The following CTTNBP2 variants were observed in gnomAD, a reference collection of about 807,000 sequenced individuals.
The protein encoded by CTTNBP2 is cortactin binding protein 2, also known as cortactin-binding protein 2.
In CTTNBP2, 108 loss-of-function variants were observed where a neutral mutation model predicts 156.9. That is an observed-to-expected ratio of 0.69 (90% CI 0.59 to 0.81). The LOEUF (loss-of-function observed/expected upper bound fraction) is 0.81. Ranked by LOEUF, CTTNBP2 falls within the 30% of genes least tolerant of loss-of-function variation. CTTNBP2 has a pLI of 0.00. For synonymous variants in CTTNBP2, 767 were observed against 751.8 expected (o/e 1.02, Z -0.33); for missense variants, 1,924 against 2,035.4 (o/e 0.95, Z 1.05).
chr7:117,727,217 G>C (rs1410893038), intron 17 of CTTNBP2, among the ~76,000 whole-genome samples: 1 of 151,968 alleles, frequency 6.6e-6, no homozygotes. Context: ...TTAGAGACAG[G>C]GTCTTGCTCT....
intron 2 of CTTNBP2, among the ~76,000 whole-genome samples, chr7:117,823,440 T>G (rs1801088983): frequency 6.6e-6 from 1 of 152,230 alleles, no homozygotes; most frequent in African/African-American, 2.4e-5. Flanking sequence ...TAAATTTGCA[T>G]AAATTTGAAA....
At chr7:117,817,388 A>ATATATATATATATATATATATATATATAT (rs1554437687) in intron 2 of CTTNBP2, among the ~76,000 whole-genome samples, 1 of 124,778 alleles carries the variant, frequency 8.0e-6, no homozygotes. Flanking sequence ...ATATATATAT[A>ATATATATATATATATATATATATATATAT]ATTTCATCAG....
chr7:117,779,097 A>C (rs2116780470), intron 7 of CTTNBP2, among the ~76,000 whole-genome samples: 1 of 152,280 alleles, frequency 6.6e-6, no homozygotes, highest in East Asian at 1.9e-4. Context: ...TGGTGCTCCA[A>C]TCAGGTAAAT....
At chr7:117,858,710 T>C (rs576315922) in intron 2 of CTTNBP2, among the ~76,000 whole-genome samples, 13 of 152,358 alleles carry the variant, frequency 8.5e-5, no homozygotes, top group Non-Finnish European at 1.3e-4. Context: ...TATCTCTCTG[T>C]TCATTCCTTT....
intron 14 of CTTNBP2, among the ~76,000 whole-genome samples, chr7:117,736,396 T>C (rs1189618180): frequency 1.3e-5 from 2 of 151,966 alleles, no homozygotes; most frequent in East Asian, 1.9e-4. Context: ...GCTGTGACTG[T>C]GCCACTGCAT....
Position 117,777,584 on chromosome 7 carries a change from G to C in CTTNBP2, c.2705C>G (p.Pro902Arg). The change falls in exon 8 of 23, where the codon CCT becomes CGT. Residue 902 changes from proline (P) to arginine (R), a missense_variant. Physicochemically the swap from Pro to Arg is moderately radical, Grantham distance 103. Coordinates refer to ENST00000160373, the MANE Select transcript of CTTNBP2 (RefSeq NM_033427.3). Reference protein sequence around the residue: ...SPEGISKPVVPADLINHANRE... With the variant: ...SPEGISKPVVRADLINHANRE... ...GTTGGCGTGGTTAATGAGGTCTGCAGGAACAACAGGCTTGGATATGCCTTC... is the reference window on the plus strand; with the variant it reads ...GTTGGCGTGGTTAATGAGGTCTGCACGAACAACAGGCTTGGATATGCCTTC... 1 of 1,613,992 alleles carries C rather than the reference G, an allele frequency of 6.2e-7. No individual in the cohort carries two copies. Among genetic ancestry groups the C allele is most frequent in the Non-Finnish European group, 8.5e-7 (1 of 1,179,962 alleles).
rs745630538 is a variant in CTTNBP2 at position 117,757,992 on chromosome 7, A to T, written c.3173-22T>A. The T allele has an allele frequency of 3.2e-6, 5 of 1,584,346 alleles. No individual in the cohort carries two copies. The South Asian group carries it at 5.6e-5, about 18-fold the overall frequency. On this transcript the variant is annotated intron_variant, in intron 10 of 22. Coordinates refer to ENST00000160373, the MANE Select transcript of CTTNBP2 (RefSeq NM_033427.3). ...TTTCCTAGTTTCAAAAAATGAAATA[A>T]AATGTCAAGGGAAGCTTATGAGTGG...
chr7:117,730,329 T>C (rs1795334763), intron 16 of CTTNBP2, among the ~76,000 whole-genome samples: 1 of 152,108 alleles, frequency 6.6e-6, no homozygotes, highest in Non-Finnish European at 1.5e-5. Context: ...CTTCCCAACT[T>C]CCGCCCGAGT....
chr7:117,815,306 A>G (rs1035914647), intron 2 of CTTNBP2, among the ~76,000 whole-genome samples: 8 of 152,320 alleles, frequency 5.3e-5, no homozygotes, highest in Admixed American at 1.3e-4. Flanking sequence ...ACATGAAGAC[A>G]AGATGCTATA....
At chr7:117,766,986 A>T in intron 9 of CTTNBP2, 73 bp downstream of exon 9, 1 of 845,542 alleles carries the variant, frequency 1.2e-6, no homozygotes, top group East Asian at 2.4e-5. Context: ...AGATGTAAAT[A>T]GTTTTTCCCA....
At chr7:117,871,844 T>TCACACACACACAAACACA (rs1804621595) in intron 1 of CTTNBP2, 1 of 298,196 alleles carries the variant, frequency 3.4e-6, no homozygotes, top group African/African-American at 3.3e-5. Context: ...TCCTTCCCCT[T>TCACACACACACAAACACA]CACACACACA....
At chr7:117,723,413 G>T (rs1393634284) in intron 19 of CTTNBP2, among the ~76,000 whole-genome samples, 1 of 152,096 alleles carries the variant, frequency 6.6e-6, no homozygotes, top group Non-Finnish European at 1.5e-5. Context: ...ACCTCATTTA[G>T]AAACCCCACT....
Position 117,756,572 on chromosome 7 carries a change from G to A in CTTNBP2, c.3331C>T (p.Gln1111Ter). Residue 1111 changes from glutamine to a stop codon, truncating the protein, a stop_gained, in exon 12 of 23, where the codon CAG becomes TAG. Coordinates refer to ENST00000160373, the MANE Select transcript of CTTNBP2 (RefSeq NM_033427.3). LOFTEE classifies it high-confidence loss of function. Reference protein sequence around the residue: ...YASMIPLQMMQNYLRLVEQYH... With the variant: ...YASMIPLQMM The stretch of plus-strand genomic sequence containing the variant: ...CCACCTACCAGCCTGAGGTAGTTCT[G>A]CATCATCTGGAGAGGGATCATGGAG... 6.2e-7 allele frequency: 1 copy of A among 1,612,980 alleles called. No individual in the cohort carries two copies. The highest frequency in any genetic ancestry group is 8.5e-7 in the Non-Finnish European group (1 of 1,178,996).
chr7:117,735,415 A>G lies in CTTNBP2; in HGVS notation c.3542T>C (p.Leu1181Pro), dbSNP rs1415523475. ...ACTGGGAGATTGTTTCACTGGGATC[A>G]GACAAGCTATAATAAAAAAGGAAAT... The part of the protein sequence containing the change: ...LLDLFISSAC[L>P]IPVKQSPSKK... Residue 1181 changes from leucine to proline, a missense_variant, in exon 15 of 23, where the codon CTG becomes CCG. Coordinates refer to ENST00000160373, the MANE Select transcript of CTTNBP2 (RefSeq NM_033427.3). 1.2e-6 allele frequency: 2 copies of G among 1,602,434 alleles called. No individual in the cohort carries two copies. The highest frequency in any genetic ancestry group is 4.5e-5 in the East Asian group (2 of 44,858).
chr7:117,799,601 A>G (rs1485772856), intron 3 of CTTNBP2, among the ~76,000 whole-genome samples: 1 of 152,116 alleles, frequency 6.6e-6, no homozygotes, highest in African/African-American at 2.4e-5. Context: ...AATAAAGTCT[A>G]CTTTCACTAC....
At chr7:117,799,970 T>C (rs536775758) in intron 3 of CTTNBP2, among the ~76,000 whole-genome samples, 2 of 152,154 alleles carry the variant, frequency 1.3e-5, no homozygotes, top group African/African-American at 4.8e-5. Context: ...ACCACACTGA[T>C]AGAAGCCAAA....
At chr7:117,814,670 C>T (rs1452470373) in intron 2 of CTTNBP2, among the ~76,000 whole-genome samples, 1 of 152,188 alleles carries the variant, frequency 6.6e-6, no homozygotes, top group Non-Finnish European at 1.5e-5. Flanking sequence ...TCAAGCAATC[C>T]TCCTGCCTCA....
rs1374601509 is a variant in CTTNBP2 at position 117,721,110 on chromosome 7, A to C, written c.4468T>G (p.Ser1490Ala). Reference sequence around the variant, plus strand: ...GCATTCCTGTTACAATTCAGCTGTGATATAGTCTTATTTTTCATACCTGTT... The same window carrying C: ...GCATTCCTGTTACAATTCAGCTGTGCTATAGTCTTATTTTTCATACCTGTT... ...STEGMKNKTI[S>A]QLNCNRNASL... Residue 1490 changes from serine (S) to alanine (A), a missense_variant, in exon 20 of 23, where the codon TCA (serine) becomes GCA (alanine). Coordinates refer to ENST00000160373, the MANE Select transcript of CTTNBP2 (RefSeq NM_033427.3). 6.2e-7 allele frequency: 1 copy of C among 1,600,924 alleles called. No homozygotes were observed. Among genetic ancestry groups the C allele is most frequent in the Admixed American group, 1.7e-5 (1 of 59,986 alleles).
chr7:117,769,153 G>A (rs981659681), intron 8 of CTTNBP2, among the ~76,000 whole-genome samples: 4 of 152,166 alleles, frequency 2.6e-5, no homozygotes, highest in African/African-American at 7.2e-5. Flanking sequence ...CTTCCACAAG[G>A]AGTATACATG....
Sources: allele counts gnomAD v4.1 joint callset (sites outside exome capture counted in the v4.1 genomes callset), GRCh38; gene constraint gnomAD v4.1.1; transcripts MANE v1.5; gene names NCBI Gene and HGNC (gene_info 2026-07-23, HGNC 2026-07-21).